The following DENND3 variants were observed in gnomAD, a reference collection of about 807,000 sequenced individuals.
DENND3 encodes DENN domain-containing protein 3.
In DENND3, 88 loss-of-function variants were observed where a neutral mutation model predicts 135.1. The ratio of observed to expected loss-of-function variants is 0.65; its 90% CI spans 0.55 to 0.78. The LOEUF is 0.78. DENND3 is among the 30% of genes least tolerant of loss of function. The probability of loss-of-function intolerance (pLI) is 0.00; values close to 1 mark genes in which losing one functional copy is unlikely to be tolerated. For synonymous variants in DENND3, 693 were observed against 712.3 expected (o/e 0.97, Z 0.43); for missense variants, 1,392 against 1,688.4 (o/e 0.82, Z 3.08).
chr8:141,192,150 C>A, intron 20 of DENND3, 181 bp from the exon 21 acceptor site: 2 of 633,110 alleles, frequency 3.2e-6, no homozygotes, highest in South Asian at 3.2e-5. Flanking sequence ...CTTAAAGACC[C>A]AGGGTTCTAG....
Position 141,174,185 on chromosome 8 carries a change from G to T in DENND3, c.2276-1015G>T, listed in dbSNP as rs1822021805. 6.6e-6 allele frequency among the ~76,000 whole-genome samples: 1 copy of T among 152,128 alleles called. No individual in the cohort carries two copies. Among genetic ancestry groups the T allele is most frequent in the Non-Finnish European group, 1.5e-5 (1 of 68,016 alleles). On this transcript the variant is annotated intron_variant, in intron 13 of 22. Coordinates refer to ENST00000519811, the MANE Select transcript of DENND3 (RefSeq NM_001352890.3). This position sits in a 1 kb window ranked among gnomAD's most constrained non-coding sequence, Gnocchi z 4.6. Reference sequence around the variant, plus strand: ...GGCTGGGCTGTGGGGTGGGTAGGTGGGGCCCAATCTTGGAAGAATGTGGCT... The same window carrying T: ...GGCTGGGCTGTGGGGTGGGTAGGTGTGGCCCAATCTTGGAAGAATGTGGCT...
At position 141,195,084 on chromosome 8, in the gene DENND3, C is replaced by CACTCA; in HGVS notation, c.*851_*852insACTCA. The CACTCA allele has an allele frequency of 1.3e-5, 2 of 152,340 alleles. No individual in the cohort carries two copies. The highest frequency in any genetic ancestry group is 4.8e-5 in the African/African-American group (2 of 41,562). The allele number at this position is 152,340 out of a possible 1,614,324, so 9.4% of individuals were successfully genotyped here. A position where few individuals can be genotyped will look rare whatever the true frequency, so the allele number is the denominator to read the frequency against. ...ACGTGTGATCTCGTCTTCAGTGTGC[C>CACTCA]GCTCAGTTCCCTGAATCCGTGTGCA... is the stretch of plus-strand genomic sequence containing the variant. On this transcript the variant is annotated 3_prime_UTR_variant, in exon 23 of 23. Coordinates refer to ENST00000519811, the MANE Select transcript of DENND3 (RefSeq NM_001352890.3).
chr8:141,192,713 C>T (rs1824927084), intron 22 of DENND3, 50 bp downstream of exon 22: 15 of 1,608,960 alleles, frequency 9.3e-6, no homozygotes, highest in Non-Finnish European at 1.3e-5. Context: ...GTCTCGCTTG[C>T]CCTGGCCGCA....
At position 141,141,655 on chromosome 8, in the gene DENND3, T is replaced by G. The variant is rs115796665; in HGVS notation, c.623+331T>G. 2.2e-3 allele frequency: 637 copies of G among 283,858 alleles called. 4 individuals carry two copies. The highest frequency in any genetic ancestry group is 0.013 in the African/African-American group (607 of 45,428). The allele number at this position is 283,858 out of a possible 1,614,324, so 17.6% of individuals were successfully genotyped here. On this transcript the variant is annotated intron_variant, in intron 4 of 22. Coordinates refer to ENST00000519811, the MANE Select transcript of DENND3 (RefSeq NM_001352890.3). This position sits in a 1 kb window ranked among gnomAD's most constrained non-coding sequence, Gnocchi z 5.3. Reference sequence around the variant, plus strand: ...GTTCAGGATTTTCATTTTGTTTAGTTTTTCACAAAAAGGCATATATTAGGA... The same window carrying G: ...GTTCAGGATTTTCATTTTGTTTAGTGTTTCACAAAAAGGCATATATTAGGA...
chr8:141,161,679 C>T (rs758320444), intron 9 of DENND3, among the ~76,000 whole-genome samples: 1 of 152,208 alleles, frequency 6.6e-6, no homozygotes, highest in Non-Finnish European at 1.5e-5. Flanking sequence ...GAAGGAGGCA[C>T]CCCCGATGCT....
Position 141,180,958 on chromosome 8 carries a change from C to T in DENND3, c.2944+104C>T, listed in dbSNP as rs142425891. ...TGAAGTGAAAGGGGAGCCAGTGTCA[C>T]GGGATAAGTGGGGACAAGGTGCCTG... On this transcript the variant is annotated intron_variant, in intron 17 of 22. Coordinates refer to ENST00000519811, the MANE Select transcript of DENND3 (RefSeq NM_001352890.3). 408 of 901,652 alleles carry T rather than the reference C, an allele frequency of 4.5e-4. 2 individuals are homozygous for T. In the African/African-American group the frequency reaches 4.7e-3, roughly 10 times the overall value. 55.9% of individuals were successfully genotyped at this position (901,652 alleles called of 1,614,324 possible).
In DENND3 at chr8:141,157,697, C is replaced by T; in HGVS notation, c.1196+1727C>T. 3 of 985,764 alleles carry T rather than the reference C, an allele frequency of 3.0e-6. No individual in the cohort carries two copies. In the South Asian group the frequency reaches 1.4e-4, roughly 46 times the overall value. 61.1% of individuals were successfully genotyped at this position (985,764 alleles called of 1,614,324 possible). A position where few individuals can be genotyped will look rare whatever the true frequency, so the allele number is the denominator to read the frequency against. On this transcript the variant is annotated intron_variant, in intron 8 of 22. Coordinates refer to ENST00000519811, the MANE Select transcript of DENND3 (RefSeq NM_001352890.3). ...TGGCTTTTCTGATTTCTGACTCTTA[C>T]CTTGGTGTGGATTATTCCTTCTACC...
At chr8:141,181,834 G>T (rs191640044) in intron 17 of DENND3, among the ~76,000 whole-genome samples, 1 of 152,132 alleles carries the variant, frequency 6.6e-6, no homozygotes, top group Admixed American at 6.5e-5. Flanking sequence ...TGTAGTTGGT[G>T]CAATCATGGC....
chr8:141,145,831 ATATATATATATATATATATG>A (rs1453110916), intron 5 of DENND3, among the ~76,000 whole-genome samples: 1 of 70,084 alleles, frequency 1.4e-5, no homozygotes, highest in African/African-American at 1.4e-4. Flanking sequence ...ATATATATAT[ATATATATATATATATATATG>A]TATTTTTTTT....
At chr8:141,140,863 G>A (rs181346249) in intron 3 of DENND3, among the ~76,000 whole-genome samples, 6 of 152,344 alleles carry the variant, frequency 3.9e-5, no homozygotes, top group African/African-American at 1.2e-4. Flanking sequence ...CTTCCTGTGC[G>A]TGGCCCCTGC....
In DENND3 at chr8:141,168,989, G is replaced by C. The variant is rs149228001; in HGVS notation, c.2275+464G>C. On this transcript the variant is annotated intron_variant, in intron 13 of 22. Coordinates refer to ENST00000519811, the MANE Select transcript of DENND3 (RefSeq NM_001352890.3). This position sits in a 1 kb window ranked among gnomAD's most constrained non-coding sequence, Gnocchi z 6.2. ...TTCTCCTGTCTTAACCTCCTGAGTA[G>C]CTGGGATTATAGGCATGCGCCTCCA... Among the ~76,000 whole-genome samples the C allele has an allele frequency of 6.6e-6, 1 of 152,202 alleles. No individual in the cohort carries two copies. Among genetic ancestry groups the C allele is most frequent in the East Asian group, 1.9e-4 (1 of 5,168 alleles).
chr8:141,130,653 C>T lies in DENND3; in HGVS notation c.102+1844C>T, dbSNP rs1006593393. On this transcript the variant is annotated intron_variant, in intron 1 of 22. Transcript: ENST00000519811. This position sits in a 1 kb window ranked among gnomAD's most constrained non-coding sequence, Gnocchi z 4.2. ...GATTTTATTTATTTAGATGTTTTTT[C>T]GGCGGTTCTATTTTGAATGTCCAAG... 7.5e-5 allele frequency among the ~76,000 whole-genome samples: 11 copies of T among 147,476 alleles called. No homozygotes were observed. The highest frequency in any genetic ancestry group is 1.5e-4 in the African/African-American group (6 of 39,474).
At chr8:141,171,158 T>C (rs1821503309) in intron 13 of DENND3, among the ~76,000 whole-genome samples, 1 of 152,152 alleles carries the variant, frequency 6.6e-6, no homozygotes, top group South Asian at 2.1e-4. Flanking sequence ...AAGTTACCAA[T>C]GTAAAGCAGC....
chr8:141,143,264 GTTTTTTTTAAA>G (rs1817674594), intron 4 of DENND3, among the ~76,000 whole-genome samples: 2 of 152,026 alleles, frequency 1.3e-5, no homozygotes, highest in African/African-American at 4.8e-5. Flanking sequence ...AGTATGGGTA[GTTTTTTTTAAA>G]TTTTTTTTTA....
At chr8:141,150,600 T>C (rs1818678797) in intron 5 of DENND3, among the ~76,000 whole-genome samples, 1 of 152,226 alleles carries the variant, frequency 6.6e-6, no homozygotes, top group Non-Finnish European at 1.5e-5. Flanking sequence ...GCTTAAGGAA[T>C]TTTGGCTTAC....
intron 5 of DENND3, among the ~76,000 whole-genome samples, chr8:141,147,744 G>A (rs1235951501): frequency 6.6e-6 from 1 of 152,336 alleles, no homozygotes; most frequent in East Asian, 1.9e-4. Context: ...TGAGCTGCAC[G>A]AAGGTAGAGG....
rs1344149247 is a variant in DENND3, at chr8:141,182,692, A to G, written c.2944+1838A>G. On this transcript the variant is annotated intron_variant, in intron 17 of 22. Coordinates refer to ENST00000519811, the MANE Select transcript of DENND3 (RefSeq NM_001352890.3). This position sits in a 1 kb window ranked among gnomAD's most constrained non-coding sequence, Gnocchi z 5.9. ...GGGGTGGCCGAGAAGCTGGTAGCCGAGCAGGGCTTTTGCAAGCCTTGTGAG... is the reference window on the plus strand; with the variant it reads ...GGGGTGGCCGAGAAGCTGGTAGCCGGGCAGGGCTTTTGCAAGCCTTGTGAG... Among the ~76,000 whole-genome samples the G allele has an allele frequency of 6.6e-6, 1 of 152,176 alleles. No individual in the cohort carries two copies. The highest frequency in any genetic ancestry group is 1.5e-5 in the Non-Finnish European group (1 of 68,036).
At chr8:141,133,341 T>G (rs1180490067) in intron 1 of DENND3, among the ~76,000 whole-genome samples, 2 of 152,116 alleles carry the variant, frequency 1.3e-5, no homozygotes, top group Non-Finnish European at 2.9e-5. Context: ...GTATGACACG[T>G]GGGAAGATAC....
Position 141,182,610 on chromosome 8 carries a change from C to T in DENND3, c.2944+1756C>T. The T allele has an allele frequency of 1.8e-6, 1 of 553,738 alleles. No homozygotes were observed. The highest frequency in any genetic ancestry group is 2.3e-6 in the Non-Finnish European group (1 of 436,510). 34.3% of individuals were successfully genotyped at this position (553,738 alleles called of 1,614,324 possible). A position where few individuals can be genotyped will look rare whatever the true frequency, so the allele number is the denominator to read the frequency against. On this transcript the variant is annotated intron_variant, in intron 17 of 22. Transcript: ENST00000519811. The surrounding 1 kb of genome is among the most constrained non-coding windows in gnomAD (Gnocchi z 5.9). ...ATCTCGAAGGCCTGCAGAGAGCGTG[C>T]AAAGCAGCCGTGGGGAATGGGGAAA...
Sources: allele counts gnomAD v4.1 joint callset (sites outside exome capture counted in the v4.1 genomes callset), GRCh38; gene constraint gnomAD v4.1.1; non-coding constraint Gnocchi (gnomAD v3.1); transcripts MANE v1.5; gene names NCBI Gene and HGNC (gene_info 2026-07-23, HGNC 2026-07-21).